ATP13A4: variants seen among roughly 807,000 people sequenced by gnomAD.
ATP13A4 encodes ATPase 13A4.
A neutral mutation model predicts 142.5 loss-of-function variants in ATP13A4; 114 were observed. The ratio of observed to expected loss-of-function variants is 0.80; its 90% CI spans 0.69 to 0.93. ATP13A4 has a LOEUF of 0.93. Ranked by LOEUF, ATP13A4 falls within the 40% of genes least tolerant of loss-of-function variation. The probability of loss-of-function intolerance (pLI) is 0.00; values close to 1 mark genes in which losing one functional copy is unlikely to be tolerated. For missense variants in ATP13A4, 1,392 were observed against 1,454.0 expected (o/e 0.96, Z 0.69); for synonymous variants, 488 against 514.8 (o/e 0.95, Z 0.70).
intron 8 of ATP13A4, among the ~76,000 whole-genome samples, chr3:193,476,654 T>C (rs1000253294): frequency 6.6e-6 from 1 of 152,086 alleles, no homozygotes; most frequent in Non-Finnish European, 1.5e-5. Flanking sequence ...TTTCTAGCTT[T>C]ACTTGAAAAT....
chr3:193,499,253 ATCTC>A (rs1207000693), intron 3 of ATP13A4, among the ~76,000 whole-genome samples: 1 of 152,202 alleles, frequency 6.6e-6, no homozygotes, highest in African/African-American at 2.4e-5. Context: ...ATGACACACA[ATCTC>A]TCTCTAATTT....
At chr3:193,554,406 G>A (rs921382121) in intron 1 of ATP13A4, 4 of 383,038 alleles carry the variant, frequency 1.0e-5, no homozygotes, top group African/African-American at 2.1e-5. Flanking sequence ...ATTGTTAGGT[G>A]TTTTGAACAG....
intron 3 of ATP13A4, 92 bp from the exon 4 acceptor site, chr3:193,493,252 A>C (rs1372853050): frequency 5.4e-6 from 6 of 1,109,302 alleles, no homozygotes; most frequent in Non-Finnish European, 6.7e-6. Context: ...TTTGAAAAGC[A>C]AAGATAAAAC....
At position 193,411,052 on chromosome 3, in the gene ATP13A4, A is replaced by G; in HGVS notation, c.3227T>C (p.Leu1076Pro). 12 of 1,609,750 alleles carry G rather than the reference A, an allele frequency of 7.5e-6. No individual in the cohort carries two copies. Among genetic ancestry groups the G allele is most frequent in the Non-Finnish European group, 1.0e-5 (12 of 1,176,250 alleles). Reference sequence around the variant, plus strand: ...TAGACATACACCAAGCTGTATTATCAGCACAAGGACAAATATATCTGAGGA... The same window carrying G: ...TAGACATACACCAAGCTGTATTATCGGCACAAGGACAAATATATCTGAGGA... ...TYTNYIFVLV[L>P]IIQLGVCLFI... Residue 1076 changes from leucine (L) to proline (P), a missense_variant, in exon 28 of 30, where the codon CTG becomes CCG. Coordinates refer to ENST00000342695, the MANE Select transcript of ATP13A4 (RefSeq NM_032279.4).
chr3:193,448,985 G>A (rs1717117621), intron 17 of ATP13A4, among the ~76,000 whole-genome samples: 2 of 152,030 alleles, frequency 1.3e-5, no homozygotes, highest in African/African-American at 4.8e-5. Flanking sequence ...AAAAAACGGA[G>A]GTGCAAAGAA....
intron 25 of ATP13A4, 127 bp downstream of exon 25, chr3:193,433,718 T>C: frequency 2.8e-6 from 2 of 725,440 alleles, no homozygotes; most frequent in East Asian, 2.6e-5. Flanking sequence ...TGTATATATT[T>C]GGGAATAAAT....
intron 3 of ATP13A4, among the ~76,000 whole-genome samples, chr3:193,498,452 T>A (rs1056473970): frequency 1.3e-5 from 2 of 152,138 alleles, no homozygotes; most frequent in Non-Finnish European, 1.5e-5. Flanking sequence ...CAAGTTCATA[T>A]GTGAATGTGA....
At chr3:193,496,682 T>G (rs906421159) in intron 3 of ATP13A4, among the ~76,000 whole-genome samples, 8 of 151,960 alleles carry the variant, frequency 5.3e-5, no homozygotes, top group African/African-American at 1.9e-4. Context: ...TCCCAGCTGC[T>G]CAGGAGGCTG....
intron 7 of ATP13A4, among the ~76,000 whole-genome samples, chr3:193,488,391 G>A (rs913416395): frequency 3.9e-5 from 6 of 152,158 alleles, no homozygotes. Flanking sequence ...GGTCCTAGTG[G>A]ATGTATCTTG....
intron 3 of ATP13A4, among the ~76,000 whole-genome samples, chr3:193,499,728 G>A (rs1303449238): frequency 6.6e-6 from 1 of 152,184 alleles, no homozygotes; most frequent in Non-Finnish European, 1.5e-5. Flanking sequence ...ATCTGTGTTA[G>A]AAATATTTTA....
intron 2 of ATP13A4, among the ~76,000 whole-genome samples, chr3:193,560,000 T>C (rs780831100): frequency 6.6e-6 from 1 of 152,138 alleles, no homozygotes; most frequent in South Asian, 2.1e-4. Flanking sequence ...AAAATTTGAA[T>C]ATACAAAACA....
chr3:193,471,100 T>A, intron 8 of ATP13A4, 107 bp from the exon 9 acceptor site: 2 of 1,502,932 alleles, frequency 1.3e-6, no homozygotes, highest in Non-Finnish European at 1.8e-6. Flanking sequence ...AGACATTTTT[T>A]TTTTAGAAAG....
rs151143520 is a variant in ATP13A4, at chr3:193,531,185, G to C, written c.61-16314C>G. On this transcript the variant is annotated intron_variant, in intron 1 of 29. Transcript: ENST00000342695. ...TAAAAGCACTAGCCCGTTGAACTCT[G>C]TCCCCACCAGATATTGAGACATAGA... Among the ~76,000 whole-genome samples the C allele has an allele frequency of 8.6e-5, 13 of 150,354 alleles. No homozygotes were observed. The East Asian group carries it at 2.4e-3, about 27-fold the overall frequency.
chr3:193,554,641 G>C, intron 1 of ATP13A4, 99 bp downstream of exon 1: 1 of 1,413,482 alleles, frequency 7.1e-7, no homozygotes, highest in South Asian at 1.2e-5. Context: ...GTCTGTGTGT[G>C]TGTGATGCGT....
At chr3:193,474,597 G>T (rs1718833172) in intron 8 of ATP13A4, among the ~76,000 whole-genome samples, 2 of 136,528 alleles carry the variant, frequency 1.5e-5, no homozygotes, top group Admixed American at 1.6e-4. Flanking sequence ...AGGAAAGAAA[G>T]GAAGAAAGGA....
At chr3:193,440,826 A>G (rs980076572) in intron 20 of ATP13A4, among the ~76,000 whole-genome samples, 189 bp from the exon 21 acceptor site, 1 of 152,224 alleles carries the variant, frequency 6.6e-6, no homozygotes, top group African/African-American at 2.4e-5. Context: ...TGATCAGTGA[A>G]AAACAAAAAT....
intron 8 of ATP13A4, among the ~76,000 whole-genome samples, chr3:193,479,147 C>A (rs185745105): frequency 1.3e-3 from 194 of 152,264 alleles, no homozygotes; most frequent in African/African-American, 4.2e-3. Flanking sequence ...TATGACAAAT[C>A]CACAGCTAAC....
chr3:193,427,484 A>G (rs9873286), intron 25 of ATP13A4, among the ~76,000 whole-genome samples: 108,185 of 152,016 alleles, frequency 0.71, 39,067 homozygotes, highest in Non-Finnish European at 0.77. Context: ...AAAAGAGCCC[A>G]CATTGCCAAG....
In ATP13A4 at chr3:193,454,097, T is replaced by C. The variant is rs372742332; in HGVS notation, c.2027+4A>G. ...TCTGCTTTATCAAAATCATCCCCAT[T>C]TACCTCGTCAAGGTAGTAGCGTGAT... is the stretch of plus-strand genomic sequence containing the variant. On this transcript the variant is annotated splice_donor_region_variant and intron_variant, in intron 17 of 29. Coordinates refer to ENST00000342695, the MANE Select transcript of ATP13A4 (RefSeq NM_032279.4). 6.2e-7 allele frequency: 1 copy of C among 1,601,172 alleles called. No individual in the cohort carries two copies.
Sources: gnomAD v4.1 joint callset for allele counts (sites outside exome capture counted in the v4.1 genomes callset) on GRCh38, gnomAD v4.1.1 for gene constraint, MANE v1.5 for transcripts, NCBI Gene and HGNC (gene_info 2026-07-23, HGNC 2026-07-21) for gene names.